The following DUS1L variants were observed in gnomAD, a reference collection of about 807,000 sequenced individuals.
DUS1L encodes the protein dihydrouridine synthase 1 like.
DUS1L carries 56 observed loss-of-function variants against 61.2 expected under a neutral mutation model. That is an observed-to-expected ratio of 0.92 (90% CI 0.74 to 1.14). The LOEUF is 1.14. Among genes scored for constraint, DUS1L ranks in the 50% most tolerant of loss-of-function variants. The probability of loss-of-function intolerance (pLI) is 0.00; values close to 1 mark genes in which losing one functional copy is unlikely to be tolerated. For synonymous variants in DUS1L, 278 were observed against 259.5 expected, an observed-to-expected ratio of 1.07 and a Z score of -0.69; for missense variants, 630 against 632.4, an observed-to-expected ratio of 1.00 and a Z score of 0.04.
intron 10 of DUS1L, chr17:82,060,480 G>T (rs566925232): frequency 3.3e-6 from 2 of 606,284 alleles, no homozygotes; most frequent in South Asian, 4.1e-5. Context: ...GTCCACTGAG[G>T]GAGGACACAG....
At chr17:82,059,881 C>A in intron 11 of DUS1L, 67 bp downstream of exon 11, 1 of 1,597,426 alleles carries the variant, frequency 6.3e-7, no homozygotes, top group Non-Finnish European at 8.6e-7. Context: ...GTTCCTGTTA[C>A]TGGCAACAGG....
Position 82,064,942 on chromosome 17 carries a change from C to T in DUS1L, c.118G>A (p.Gly40Arg), listed in dbSNP as rs767837055. ...ATGGGCGTGTAGCAGAGCTGTGCCC[C>T]GTGGCGCCGGCTCAGCAGCCTCCAG... ...LAWRLLSRRH[G>R]AQLCYTPMLH... is the part of the protein sequence containing the mutation. The change falls in exon 2 of 14, where the codon GGG becomes AGG. Residue 40 changes from glycine (G) to arginine (R), a missense_variant. Gly to Arg is a moderately radical substitution (Grantham distance 125, BLOSUM62 -2). Coordinates refer to ENST00000306796, the MANE Select transcript of DUS1L (RefSeq NM_022156.5). 6.2e-7 allele frequency: 1 copy of T among 1,612,588 alleles called. No individual in the cohort carries two copies.
At chr17:82,063,346 G>A in intron 4 of DUS1L, 122 bp downstream of exon 4, 6 of 1,369,718 alleles carry the variant, frequency 4.4e-6, no homozygotes, top group Non-Finnish European at 6.2e-6. Flanking sequence ...GGAAGCCCCA[G>A]GGTGATGCTG....
At chr17:82,063,541 G>T in intron 3 of DUS1L, 23 bp from the exon 4 acceptor site, 4 of 1,613,124 alleles carry the variant, frequency 2.5e-6, no homozygotes, top group Non-Finnish European at 3.4e-6. Context: ...AGCATGGCCT[G>T]GCTGGCACCT....
chr17:82,060,660 C>A (rs771730754), intron 10 of DUS1L, 41 bp downstream of exon 10: 39 of 1,599,966 alleles, frequency 2.4e-5, no homozygotes, highest in African/African-American at 5.4e-5. Flanking sequence ...GGAGCCCACA[C>A]CTTGGTGCAC....
chr17:82,057,908 T>C lies in DUS1L; in HGVS notation c.*207A>G, dbSNP rs747820601. ...CTTTGAAATGATTTATTGTTCACTT[T>C]TGCACACGCGTGCTGAGGACAGGGC... On this transcript the variant is annotated 3_prime_UTR_variant, in exon 14 of 14. Transcript: ENST00000306796. 3 of 467,674 alleles carry C rather than the reference T, an allele frequency of 6.4e-6. No individual in the cohort carries two copies. The highest frequency in any genetic ancestry group is 2.0e-5 in the African/African-American group (1 of 49,932). The allele number at this position is 467,674 out of a possible 1,614,324, so 29.0% of individuals were successfully genotyped here. A position where few individuals can be genotyped will look rare whatever the true frequency, so the allele number is the denominator to read the frequency against.
intron 11 of DUS1L, 166 bp from the exon 12 acceptor site, chr17:82,058,984 C>G (rs1447193248): frequency 3.1e-6 from 2 of 648,990 alleles, no homozygotes; most frequent in Admixed American, 5.0e-5. Context: ...GCCACGTCTG[C>G]TTTTCCTTCC....
chr17:82,058,420 G>A lies in DUS1L; in HGVS notation c.1207-4C>T, dbSNP rs752467409. 2.0e-6 allele frequency: 3 copies of A among 1,484,924 alleles called. No homozygotes were observed. The highest frequency in any genetic ancestry group is 4.7e-5 in the Admixed American group (2 of 42,906). 92.0% of individuals were successfully genotyped at this position (1,484,924 alleles called of 1,614,324 possible). ...GGCTGAACACACATCTGTTGCCCTGGGCACAGGAAATCTCGGGAGCCTGTG... is the reference window on the plus strand; with the variant it reads ...GGCTGAACACACATCTGTTGCCCTGAGCACAGGAAATCTCGGGAGCCTGTG... On this transcript the variant is annotated splice_polypyrimidine_tract_variant and splice_region_variant and intron_variant, in intron 12 of 13. Coordinates refer to ENST00000306796, the MANE Select transcript of DUS1L (RefSeq NM_022156.5).
In DUS1L at chr17:82,058,138, C is replaced by T. The variant is rs768814123; in HGVS notation, c.1399G>A (p.Val467Ile). 5.0e-6 allele frequency: 8 copies of T among 1,589,792 alleles called. No individual in the cohort carries two copies. Among genetic ancestry groups the T allele is most frequent in the Non-Finnish European group, 6.9e-6 (8 of 1,163,736 alleles). Residue 467 changes from valine (V) to isoleucine (I), a missense_variant, in exon 14 of 14, where the codon GTC becomes ATC. Transcript: ENST00000306796. ...CTTCAGGCCAGGGCACTGCCCATGACTTCGGAGAAGCCACCTGGTGTTCCA... is the reference window on the plus strand; with the variant it reads ...CTTCAGGCCAGGGCACTGCCCATGATTTCGGAGAAGCCACCTGGTGTTCCA... The part of the protein sequence containing the change: ...APGTPGGFSE[V>I]MGSALA
At chr17:82,065,208 C>T in intron 1 of DUS1L, 139 bp from the exon 2 acceptor site, 2 of 741,390 alleles carry the variant, frequency 2.7e-6, no homozygotes, top group Non-Finnish European at 4.3e-6. Context: ...AGGCGGGGGT[C>T]GGTGCAGGCT....
chr17:82,059,366 T>C (rs1197569808), intron 11 of DUS1L: 2 of 170,396 alleles, frequency 1.2e-5, no homozygotes, highest in East Asian at 3.0e-4. Context: ...TGGGAAGGTT[T>C]CAGGGTTATC....
chr17:82,058,404 C>T lies in DUS1L; in HGVS notation c.1219G>A (p.Val407Met). ...QCGNPKGNRC[V>M]FSLCRGCCKK... Reference sequence around the variant, plus strand: ...CAGCAGCCGCGGCACAGGCTGAACACACATCTGTTGCCCTGGGCACAGGAA... The same window carrying T: ...CAGCAGCCGCGGCACAGGCTGAACATACATCTGTTGCCCTGGGCACAGGAA... The change falls in exon 13 of 14, where the codon GTG (valine) becomes ATG (methionine). Residue 407 changes from valine to methionine, a missense_variant. Transcript: ENST00000306796. 1 of 1,493,908 alleles carries T rather than the reference C, an allele frequency of 6.7e-7. No homozygotes were observed. Among genetic ancestry groups the T allele is most frequent in the Non-Finnish European group, 8.9e-7 (1 of 1,120,214 alleles). The allele number at this position is 1,493,908 out of a possible 1,614,324, so 92.5% of individuals were successfully genotyped here.
chr17:82,064,252 G>T lies in DUS1L; in HGVS notation c.238-18C>A. ...GCACAGAACTGGAGAAGATGCAGGA[G>T]TCAGCCACGGGCCCAGCCAGGCCCT... is the stretch of plus-strand genomic sequence containing the variant. On this transcript the variant is annotated intron_variant, in intron 2 of 13. Coordinates refer to ENST00000306796, the MANE Select transcript of DUS1L (RefSeq NM_022156.5). 6.2e-7 allele frequency: 1 copy of T among 1,604,244 alleles called. No homozygotes were observed. The highest frequency in any genetic ancestry group is 8.5e-7 in the Non-Finnish European group (1 of 1,176,364).
chr17:82,060,661 C>G, intron 10 of DUS1L, 40 bp downstream of exon 10: 1 of 1,601,090 alleles, frequency 6.2e-7, no homozygotes, highest in Non-Finnish European at 8.5e-7. Context: ...GAGCCCACAC[C>G]TTGGTGCACA....
chr17:82,060,384 T>C (rs2033421837), intron 10 of DUS1L: 1 of 574,828 alleles, frequency 1.7e-6, no homozygotes, highest in Admixed American at 3.0e-5. Flanking sequence ...GAAGCTGGGG[T>C]CAACCTCTTG....
chr17:82,058,587 ACT>A (rs377062150), intron 12 of DUS1L, 171 bp from the exon 13 acceptor site: 12 of 1,453,508 alleles, frequency 8.3e-6, no homozygotes, highest in African/African-American at 5.7e-5. Context: ...ACCCACCCAG[ACT>A]CTCTTCCCCT....
chr17:82,060,680 C>G, intron 10 of DUS1L, 21 bp downstream of exon 10: 1 of 1,610,572 alleles, frequency 6.2e-7, no homozygotes. Context: ...CATCCCCGCC[C>G]AGGGCTGGCT....
chr17:82,062,626 G>T (rs1324461013), intron 5 of DUS1L, among the ~76,000 whole-genome samples: 2 of 152,220 alleles, frequency 1.3e-5, no homozygotes, highest in Non-Finnish European at 2.9e-5. Context: ...CAGAGATGCC[G>T]ACATTACTCT....
At chr17:82,058,737 C>T (rs770840231) in intron 12 of DUS1L, 44 bp downstream of exon 12, 9 of 1,612,510 alleles carry the variant, frequency 5.6e-6, no homozygotes, top group Non-Finnish European at 7.6e-6. Flanking sequence ...CCTGCCCACC[C>T]CCAAAGCTGA....
Sources: gnomAD v4.1 joint callset for allele counts (sites outside exome capture counted in the v4.1 genomes callset) on GRCh38, gnomAD v4.1.1 for gene constraint, MANE v1.5 for transcripts, NCBI Gene and HGNC (gene_info 2026-07-23, HGNC 2026-07-21) for gene names.